Variants in RELN observed in about 807,000 individuals in gnomAD.
RELN encodes reelin.
A neutral mutation model predicts 427.6 loss-of-function variants in RELN; 108 were observed. That is an observed-to-expected ratio of 0.25 (90% CI 0.22 to 0.30). The LOEUF is 0.30. Among genes scored for constraint, RELN ranks in the 10% least tolerant of loss-of-function variants. RELN has a pLI of 1.00. For synonymous variants in RELN, 1,524 were observed against 1,513.4 expected, an observed-to-expected ratio of 1.01 and a Z score of -0.16; for missense variants, 3,715 against 4,302.8, an observed-to-expected ratio of 0.86 and a Z score of 3.82.
chr7:103,770,389 C>G (rs1448730144), intron 4 of RELN, among the ~76,000 whole-genome samples: 3 of 152,144 alleles, frequency 2.0e-5, no homozygotes, highest in Admixed American at 6.5e-5. Flanking sequence ...CCGCCCAGCC[C>G]AAATCTTACA....
At chr7:103,742,427 A>G (rs1414031020) in intron 6 of RELN, among the ~76,000 whole-genome samples, 2 of 152,232 alleles carry the variant, frequency 1.3e-5, no homozygotes, top group Non-Finnish European at 2.9e-5. Context: ...AATGACTTTG[A>G]CAAGTTGACA....
At chr7:103,489,221 T>TGTGTGCGCGCGCACGCGCGCAC (rs1828562019) in intron 60 of RELN, among the ~76,000 whole-genome samples, 1 of 151,942 alleles carries the variant, frequency 6.6e-6, no homozygotes, top group African/African-American at 2.4e-5. Context: ...TGTGTGTGTG[T>TGTGTGCGCGCGCACGCGCGCAC]GTGTGTGTCC....
Position 103,496,667 on chromosome 7 carries a change from G to C in RELN, c.9052C>G (p.Arg3018Gly). Residue 3018 changes from arginine to glycine, a missense_variant, in exon 56 of 65, where the codon CGA (arginine) becomes GGA (glycine). Coordinates refer to ENST00000428762, the MANE Select transcript of RELN (RefSeq NM_005045.4). ...LPEDALTNTTRLRWWQPFVIS... is the reference protein window; with the variant it reads ...LPEDALTNTTGLRWWQPFVIS... ...ACAAAAGGCTGCCACCAGCGAAGTC[G>C]AGTTGTGTTGGTGAGGGCATCTTCA... 1 of 1,614,178 alleles carries C rather than the reference G, an allele frequency of 6.2e-7. No individual in the cohort carries two copies. Among genetic ancestry groups the C allele is most frequent in the Non-Finnish European group, 8.5e-7 (1 of 1,180,026 alleles).
intron 60 of RELN, among the ~76,000 whole-genome samples, chr7:103,488,669 C>T (rs1052960632): frequency 6.6e-6 from 1 of 152,166 alleles, no homozygotes; most frequent in South Asian, 2.1e-4. Context: ...CTCTGCTCCT[C>T]CTTGGATAAA....
In RELN at chr7:103,569,393, T is replaced by C. The variant is rs138070107; in HGVS notation, c.4589-2634A>G. On this transcript the variant is annotated intron_variant, in intron 31 of 64. Coordinates refer to ENST00000428762, the MANE Select transcript of RELN (RefSeq NM_005045.4). The surrounding 1 kb of genome is among the most constrained non-coding windows in gnomAD (Gnocchi z 4.0). ...AGACCCTGGGCCAGAACCATTTAGC[T>C]AAGCTGCTCCAAAATTCCTGACTCA... 5.9e-5 allele frequency among the ~76,000 whole-genome samples: 9 copies of C among 152,370 alleles called. No individual in the cohort carries two copies. The highest frequency in any genetic ancestry group is 2.1e-4 in the South Asian group (1 of 4,830).
At chr7:103,835,360 G>A (rs776182475) in intron 2 of RELN, among the ~76,000 whole-genome samples, 9 of 152,268 alleles carry the variant, frequency 5.9e-5, no homozygotes, top group East Asian at 1.9e-4. Flanking sequence ...GTATGATACC[G>A]TATGGTGGAT....
Position 103,519,586 on chromosome 7 carries a change from A to ATTTTT in RELN, c.7669-75_7669-71dup, listed in dbSNP as rs35127886. The ATTTTT allele has an allele frequency of 4.7e-5, 46 of 989,210 alleles. No individual in the cohort carries two copies. The African/African-American group carries it at 6.3e-4, about 14-fold the overall frequency. The allele number at this position is 989,210 out of a possible 1,614,324, so 61.3% of individuals were successfully genotyped here. A position where few individuals can be genotyped will look rare whatever the true frequency, so the allele number is the denominator to read the frequency against. On this transcript the variant is annotated intron_variant, in intron 48 of 64. Coordinates refer to ENST00000428762, the MANE Select transcript of RELN (RefSeq NM_005045.4). ...ATTGCAGATTATAGATTTTCTATGG[A>ATTTTT]TTTTTTTTTTTTTTGAGACAGGGTC...
rs956629982 is a variant in RELN, at chr7:103,874,334, A to G, written c.338-40662T>C. Among the ~76,000 whole-genome samples, 19 of 138,264 alleles carry G rather than the reference A, an allele frequency of 1.4e-4. 1 individual carries two copies. The highest frequency in any genetic ancestry group is 4.4e-4 in the African/African-American group (17 of 38,790). 90.7% of individuals were successfully genotyped at this position (138,264 alleles called of 152,430 possible). A position where few individuals can be genotyped will look rare whatever the true frequency, so the allele number is the denominator to read the frequency against. ...TCCTCTCTCACCACTCCTATTCAAC[A>G]TAGTGTTGGAAGTTCTGACCAGGGC... is the stretch of plus-strand genomic sequence containing the variant. On this transcript the variant is annotated intron_variant, in intron 2 of 64. Coordinates refer to ENST00000428762, the MANE Select transcript of RELN (RefSeq NM_005045.4).
intron 22 of RELN, among the ~76,000 whole-genome samples, chr7:103,609,075 T>G (rs1831884464): frequency 6.6e-6 from 1 of 151,878 alleles, no homozygotes. Context: ...ATACAAAAAT[T>G]AGCTGGGTGT....
intron 24 of RELN, among the ~76,000 whole-genome samples, chr7:103,598,470 C>A (rs1831590625): frequency 6.6e-6 from 1 of 152,130 alleles, no homozygotes. Flanking sequence ...TCCAGTCCAG[C>A]AAACTCCTGT....
At chr7:103,796,903 G>GAAA (rs1231267739) in intron 3 of RELN, among the ~76,000 whole-genome samples, 6 of 122,786 alleles carry the variant, frequency 4.9e-5, no homozygotes, top group African/African-American at 1.7e-4. Flanking sequence ...AAGAAAGAAA[G>GAAA]AAAAAGAAAA....
At chr7:103,525,087 A>G (rs905096931) in intron 46 of RELN, among the ~76,000 whole-genome samples, 2 of 151,770 alleles carry the variant, frequency 1.3e-5, no homozygotes, top group African/African-American at 2.4e-5. Context: ...TTCTGCCTAC[A>G]TATTCTCTTT....
chr7:103,938,544 CCTATT>C (rs1796037483), intron 1 of RELN, among the ~76,000 whole-genome samples: 1 of 152,124 alleles, frequency 6.6e-6, no homozygotes, highest in South Asian at 2.1e-4. Flanking sequence ...CTTGTCTAAT[CCTATT>C]CTCCAAATGG....
chr7:103,503,381 G>A (rs573684562), intron 51 of RELN, 151 bp from the exon 52 acceptor site: 2 of 735,766 alleles, frequency 2.7e-6, no homozygotes, highest in East Asian at 5.4e-5. Context: ...TCTGCTAATG[G>A]ACAGAGAAAG....
chr7:103,782,236 A>T (rs1294712669), intron 3 of RELN, among the ~76,000 whole-genome samples: 1 of 152,196 alleles, frequency 6.6e-6, no homozygotes, highest in Non-Finnish European at 1.5e-5. Context: ...AAAGCCTGTG[A>T]TATTTTCAAC....
At chr7:103,611,587 A>G in intron 21 of RELN, 24 bp downstream of exon 21, 1 of 1,604,378 alleles carries the variant, frequency 6.2e-7, no homozygotes, top group Non-Finnish European at 8.5e-7. Flanking sequence ...TACCTGTTAC[A>G]AGGTTTAAGG....
Position 103,669,368 on chromosome 7 carries a change from G to GT in RELN, c.1290-7842_1290-7841insA, listed in dbSNP as rs1269382691. Among the ~76,000 whole-genome samples, 87 of 152,280 alleles carry GT rather than the reference G, an allele frequency of 5.7e-4. 1 individual carries two copies. The highest frequency in any genetic ancestry group is 2.1e-3 in the African/African-American group (87 of 41,578). Reference sequence around the variant, plus strand: ...TGCATTTATTAAAAATTCAGGAGGAGCCTGTTATAGCACAAGCTCATTCTT... The same window carrying GT: ...TGCATTTATTAAAAATTCAGGAGGAGTCCTGTTATAGCACAAGCTCATTCTT... On this transcript the variant is annotated intron_variant, in intron 11 of 64. Coordinates refer to ENST00000428762, the MANE Select transcript of RELN (RefSeq NM_005045.4).
rs780798178 is a variant in RELN, at chr7:103,989,357, G to A, written c.-1C>T. 2.6e-6 allele frequency: 3 copies of A among 1,138,654 alleles called. No individual in the cohort carries two copies. The African/African-American group carries it at 1.1e-4, about 43-fold the overall frequency. The allele number at this position is 1,138,654 out of a possible 1,614,324, so 70.5% of individuals were successfully genotyped here. A position where few individuals can be genotyped will look rare whatever the true frequency, so the allele number is the denominator to read the frequency against. On this transcript the variant is annotated 5_prime_UTR_variant, in exon 1 of 65. Coordinates refer to ENST00000428762, the MANE Select transcript of RELN (RefSeq NM_005045.4). The surrounding 1 kb of genome is among the most constrained non-coding windows in gnomAD (Gnocchi z 4.9). ...GCCGGGCCCAGCCACTGCGCTCCAT[G>A]CCGCCGCCGCCGCCGCCGCCGCCGC...
chr7:103,682,400 G>A lies in RELN; in HGVS notation c.1144-139C>T, dbSNP rs372994006. ...ATGGACTCTCAAATCAAAAGAGCTT[G>A]TTACCTCTTTTTTGCCTTGTTTAAT... On this transcript the variant is annotated intron_variant, in intron 10 of 64. Transcript: ENST00000428762. 45 of 875,558 alleles carry A rather than the reference G, an allele frequency of 5.1e-5. No homozygotes were observed. The African/African-American group carries it at 6.9e-4, about 13-fold the overall frequency. 54.2% of individuals were successfully genotyped at this position (875,558 alleles called of 1,614,324 possible).
Sources: allele counts gnomAD v4.1 joint callset (sites outside exome capture counted in the v4.1 genomes callset), GRCh38; gene constraint gnomAD v4.1.1; non-coding constraint Gnocchi (gnomAD v3.1); transcripts MANE v1.5; gene names NCBI Gene and HGNC (gene_info 2026-07-23, HGNC 2026-07-21).